FAM135A: variants seen among roughly 807,000 people sequenced by gnomAD.
The protein encoded by FAM135A is protein FAM135A.
FAM135A carries 79 observed loss-of-function variants against 146.8 expected under a neutral mutation model. That is an observed-to-expected ratio of 0.54 (90% CI 0.45 to 0.65). The LOEUF is 0.65. Ranked by LOEUF, FAM135A falls within the 30% of genes least tolerant of loss-of-function variation. The probability of loss-of-function intolerance (pLI) is 0.00; values close to 1 mark genes in which losing one functional copy is unlikely to be tolerated. For synonymous variants in FAM135A, 562 were observed against 603.6 expected (o/e 0.93, Z 1.01); for missense variants, 1,623 against 1,758.2 (o/e 0.92, Z 1.38).
intron 4 of FAM135A, among the ~76,000 whole-genome samples, chr6:70,433,672 A>G (rs1241696874): frequency 6.6e-6 from 1 of 152,160 alleles, no homozygotes; most frequent in African/African-American, 2.4e-5. Context: ...TCTCCTCCAC[A>G]TAATCTCTCA....
At chr6:70,513,273 A>G (rs1298272428) in intron 12 of FAM135A, 1 of 151,370 alleles carries the variant, frequency 6.6e-6, no homozygotes, top group Non-Finnish European at 1.5e-5. Context: ...ATCTCTTGCA[A>G]TTCTATATAA....
intron 12 of FAM135A, among the ~76,000 whole-genome samples, chr6:70,517,514 G>C (rs543037463): frequency 2.3e-4 from 34 of 150,942 alleles, no homozygotes; most frequent in African/African-American, 8.3e-4. Context: ...TGCCTCCCCG[G>C]TTCAAGCAAT....
intron 20 of FAM135A, 64 bp downstream of exon 20, chr6:70,538,465 G>C: frequency 1.1e-6 from 1 of 908,632 alleles, no homozygotes; most frequent in Non-Finnish European, 1.5e-6. Context: ...TAAACATTTA[G>C]CAAATAAATT....
At chr6:70,450,307 CTA>C (rs1188618024) in intron 4 of FAM135A, among the ~76,000 whole-genome samples, 7 of 151,890 alleles carry the variant, frequency 4.6e-5, no homozygotes, top group Admixed American at 4.6e-4. Context: ...CTTTTGTTGC[CTA>C]TGTTTTTGGG....
intron 21 of FAM135A, 73 bp downstream of exon 21, chr6:70,556,936 T>C: frequency 8.6e-6 from 9 of 1,045,724 alleles, no homozygotes; most frequent in Non-Finnish European, 1.3e-5. Flanking sequence ...TTGTAGTCAC[T>C]TTCTCTCGTA....
chr6:70,440,386 A>C (rs773434041), intron 4 of FAM135A, among the ~76,000 whole-genome samples: 1 of 152,128 alleles, frequency 6.6e-6, no homozygotes, highest in African/African-American at 2.4e-5. Flanking sequence ...ACTAGAGGTT[A>C]TAAAATGGAG....
At chr6:70,481,137 CTT>C in intron 9 of FAM135A, 110 bp downstream of exon 9, 1 of 987,294 alleles carries the variant, frequency 1.0e-6, no homozygotes, top group Non-Finnish European at 1.4e-6. Flanking sequence ...AGCTCAGCAA[CTT>C]ATAGATCTAA....
chr6:70,445,021 A>G (rs74716033), intron 4 of FAM135A, among the ~76,000 whole-genome samples: 19,194 of 152,226 alleles, frequency 0.13, 1,490 homozygotes, highest in Middle Eastern at 0.19. Context: ...AGCAAATCTA[A>G]TGATTCATAG....
In FAM135A at chr6:70,526,649, A is replaced by G; in HGVS notation, c.3565A>G (p.Thr1189Ala). 1 of 1,609,970 alleles carries G rather than the reference A, an allele frequency of 6.2e-7. No homozygotes were observed. Among genetic ancestry groups the G allele is most frequent in the Non-Finnish European group, 8.5e-7 (1 of 1,178,610 alleles). Reference sequence around the variant, plus strand: ...GCCAAGCAGTACTTCTTACAACTTCACTTCTTCGATTTCCTGGTATGAAAG... The same window carrying G: ...GCCAAGCAGTACTTCTTACAACTTCGCTTCTTCGATTTCCTGGTATGAAAG... ...KQPSSTSYNF[T>A]SSISWYESSP... The change falls in exon 15 of 22, where the codon ACT becomes GCT. Residue 1189 changes from threonine (T) to alanine (A), a missense_variant. By Grantham distance (58) the Thr-to-Ala change is moderately conservative (BLOSUM62 0). This residue lies in a region of FAM135A where 1,061 missense variants were observed against 1,113.8 expected (regional missense o/e 0.95). Transcript: ENST00000418814.
chr6:70,515,535 A>G (rs1013849345), intron 12 of FAM135A, among the ~76,000 whole-genome samples: 5 of 152,196 alleles, frequency 3.3e-5, no homozygotes, highest in Non-Finnish European at 5.9e-5. Flanking sequence ...GATTTCAACT[A>G]TACGACATTC....
At chr6:70,493,039 CATTA>C (rs1427342226) in intron 11 of FAM135A, among the ~76,000 whole-genome samples, 2 of 151,924 alleles carry the variant, frequency 1.3e-5, no homozygotes, top group Admixed American at 1.3e-4. Flanking sequence ...GGAATTACAT[CATTA>C]ATTATTATCA....
At chr6:70,518,918 A>ATT (rs1469487618) in intron 12 of FAM135A, among the ~76,000 whole-genome samples, 3 of 152,232 alleles carry the variant, frequency 2.0e-5, no homozygotes, top group Non-Finnish European at 4.4e-5. Context: ...ACAACGATCT[A>ATT]TTCTTCAGCC....
At chr6:70,436,962 GTTA>G (rs1773308471) in intron 4 of FAM135A, among the ~76,000 whole-genome samples, 1 of 152,122 alleles carries the variant, frequency 6.6e-6, no homozygotes, top group Admixed American at 6.6e-5. Context: ...AGGACTAAGT[GTTA>G]TTATGAGAAA....
intron 5 of FAM135A, among the ~76,000 whole-genome samples, chr6:70,459,435 T>C (rs1243187782): frequency 2.0e-5 from 3 of 152,202 alleles, no homozygotes; most frequent in Non-Finnish European, 2.9e-5. Context: ...TCAGGAAATA[T>C]CTGTCATCTG....
At chr6:70,421,612 C>T (rs1234387727) in intron 2 of FAM135A, among the ~76,000 whole-genome samples, 2 of 152,210 alleles carry the variant, frequency 1.3e-5, no homozygotes, top group African/African-American at 4.8e-5. Context: ...GTTTCAGAGT[C>T]ATTTCCTGTT....
At chr6:70,468,724 G>C in intron 5 of FAM135A, among the ~76,000 whole-genome samples, 1 of 152,160 alleles carries the variant, frequency 6.6e-6, no homozygotes, top group Non-Finnish European at 1.5e-5. Flanking sequence ...CCTTCCTAGA[G>C]AGTAAGAATC....
intron 12 of FAM135A, 36 bp from the exon 13 acceptor site, chr6:70,522,477 G>C (rs1273559393): frequency 6.3e-7 from 1 of 1,583,446 alleles, no homozygotes; most frequent in African/African-American, 1.3e-5. Context: ...TTTTAAATAC[G>C]TCATGTTATT....
intron 20 of FAM135A, among the ~76,000 whole-genome samples, chr6:70,539,846 A>G (rs1160625136): frequency 6.6e-6 from 1 of 151,902 alleles, no homozygotes; most frequent in Admixed American, 6.6e-5. Flanking sequence ...ATACAAAAAA[A>G]TTAGCCAGGC....
At chr6:70,506,038 A>G (rs1176031494) in intron 12 of FAM135A, among the ~76,000 whole-genome samples, 1 of 152,214 alleles carries the variant, frequency 6.6e-6, no homozygotes, top group Non-Finnish European at 1.5e-5. Flanking sequence ...AATGAATAGC[A>G]TAATGAATGG....
Sources: gnomAD v4.1 joint callset for allele counts (sites outside exome capture counted in the v4.1 genomes callset) on GRCh38, gnomAD v4.1.1 for gene constraint, gnomAD v4.1.1 regional missense constraint, MANE v1.5 for transcripts, NCBI Gene and HGNC (gene_info 2026-07-23, HGNC 2026-07-21) for gene names.